YES1: variants seen among roughly 807,000 people sequenced by gnomAD.
The protein encoded by YES1 is YES proto-oncogene 1, Src family tyrosine kinase.
In YES1, 39 loss-of-function variants were observed where a neutral mutation model predicts 70.4. The observed-to-expected ratio is 0.55, with a 90% CI of 0.43 to 0.72. YES1 has a LOEUF of 0.72. YES1 is among the 30% of genes least tolerant of loss of function. YES1 has a pLI of 0.00. For missense variants in YES1, 495 were observed against 644.8 expected, an observed-to-expected ratio of 0.77 and a Z score of 2.52; for synonymous variants, 198 against 218.6, an observed-to-expected ratio of 0.91 and a Z score of 0.83.
chr18:731,023 G>A (rs1175057152), intron 11 of YES1, among the ~76,000 whole-genome samples: 3 of 152,272 alleles, frequency 2.0e-5, no homozygotes, highest in South Asian at 4.1e-4. Context: ...TTCATGAAGG[G>A]GGTGAGAAGC....
intron 1 of YES1, among the ~76,000 whole-genome samples, chr18:791,079 A>T (rs906127466): frequency 6.1e-5 from 8 of 131,888 alleles, no homozygotes; most frequent in Admixed American, 4.9e-4. Context: ...GTGAAACCCC[A>T]TCTCTATTAA....
rs1275377199 is a variant in YES1 at position 727,967 on chromosome 18, A to AT, written c.1424-3336dup. Among the ~76,000 whole-genome samples the AT allele has an allele frequency of 2.6e-5, 4 of 152,162 alleles. No individual in the cohort carries two copies. The East Asian group carries it at 7.7e-4, about 29-fold the overall frequency. Reference sequence around the variant, plus strand: ...GGACCAGAAGTGTTTCCGATTTTGGATTTTTTTGGATTTTGGAATATTTGC... The same window carrying AT: ...GGACCAGAAGTGTTTCCGATTTTGGATTTTTTTTGGATTTTGGAATATTTGC... On this transcript the variant is annotated intron_variant, in intron 11 of 11. Coordinates refer to ENST00000314574, the MANE Select transcript of YES1 (RefSeq NM_005433.4).
intron 1 of YES1, among the ~76,000 whole-genome samples, chr18:787,077 T>G (rs1905989876): frequency 1.8e-5 from 2 of 113,606 alleles, no homozygotes; most frequent in Non-Finnish European, 3.5e-5. Flanking sequence ...TGATACATAC[T>G]GTCTTTTTTT....
chr18:727,387 GTGTA>G (rs1398012377), intron 11 of YES1, among the ~76,000 whole-genome samples: 1 of 152,198 alleles, frequency 6.6e-6, no homozygotes, highest in African/African-American at 2.4e-5. Context: ...TATAGTATTT[GTGTA>G]TGTGTTTAAA....
intron 1 of YES1, among the ~76,000 whole-genome samples, chr18:786,532 C>CAT (rs1244275598): frequency 2.0e-5 from 3 of 151,340 alleles, no homozygotes; most frequent in Non-Finnish European, 2.9e-5. Flanking sequence ...CACACACACA[C>CAT]ACACAGAGTT....
At chr18:759,002 C>T (rs368803356) in intron 1 of YES1, among the ~76,000 whole-genome samples, 6 of 151,910 alleles carry the variant, frequency 3.9e-5, no homozygotes, top group South Asian at 2.1e-4. Flanking sequence ...GAGTGTTGGC[C>T]GCCTCATAAA....
At chr18:735,466 T>G (rs1483421583) in intron 10 of YES1, among the ~76,000 whole-genome samples, 3 of 145,248 alleles carry the variant, frequency 2.1e-5, no homozygotes, top group Non-Finnish European at 4.5e-5. Context: ...GGCATAAGAG[T>G]AATATAATGG....
chr18:775,399 C>G (rs1213204566), intron 1 of YES1: 2 of 152,304 alleles, frequency 1.3e-5, no homozygotes, highest in Non-Finnish European at 2.9e-5. Flanking sequence ...TGTCAGCACC[C>G]AAGAAGCCCA....
chr18:789,912 A>G (rs1021965907), intron 1 of YES1, among the ~76,000 whole-genome samples: 14 of 151,986 alleles, frequency 9.2e-5, no homozygotes, highest in Non-Finnish European at 1.6e-4. Context: ...ACAAAAAATT[A>G]GCTAGGCATG....
intron 9 of YES1, among the ~76,000 whole-genome samples, chr18:737,667 A>C (rs1286055974): frequency 1.3e-5 from 2 of 152,238 alleles, no homozygotes; most frequent in African/African-American, 4.8e-5. Flanking sequence ...TTGTAGGCCA[A>C]AAGTGGCCTG....
chr18:785,370 T>A (rs1294026526), intron 1 of YES1, among the ~76,000 whole-genome samples: 1 of 152,194 alleles, frequency 6.6e-6, no homozygotes, highest in East Asian at 1.9e-4. Context: ...AGAGATATCA[T>A]CTTCCCCTTT....
intron 11 of YES1, among the ~76,000 whole-genome samples, chr18:732,450 A>AC (rs1217613688): frequency 4.1e-5 from 6 of 146,644 alleles, no homozygotes; most frequent in East Asian, 2.0e-4. Flanking sequence ...AAAAAAAAAA[A>AC]AAAAAAACAA....
intron 1 of YES1, among the ~76,000 whole-genome samples, chr18:791,106 C>T (rs995042527): frequency 4.0e-5 from 6 of 151,234 alleles, no homozygotes; most frequent in South Asian, 2.1e-4. Context: ...AAAAATTAGC[C>T]GGGCGTGGTG....
intron 1 of YES1, among the ~76,000 whole-genome samples, chr18:801,719 C>CAG (rs527951347): frequency 6.6e-4 from 100 of 151,798 alleles, no homozygotes; most frequent in African/African-American, 2.2e-3. Flanking sequence ...TGTGTATATA[C>CAG]AGAGAGAGAG....
rs551356387 is a variant in YES1 at position 765,634 on chromosome 18, G to A, written c.-8-8799C>T. ...AGTCTGGTCTCGAACGCCTGACCTT[G>A]TGACCCACCCACCCTGGCCTCTCAA... On this transcript the variant is annotated intron_variant, in intron 1 of 11. Transcript: ENST00000314574. Among the ~76,000 whole-genome samples, 17 of 152,156 alleles carry A rather than the reference G, an allele frequency of 1.1e-4. 1 individual carries two copies. The highest frequency in any genetic ancestry group is 1.0e-3 in the South Asian group (5 of 4,826).
intron 1 of YES1, among the ~76,000 whole-genome samples, chr18:803,953 G>C (rs182286399): frequency 6.6e-6 from 1 of 152,150 alleles, no homozygotes; most frequent in Non-Finnish European, 1.5e-5. Flanking sequence ...TTACAGAAAA[G>C]ACTTCCTGGA....
intron 10 of YES1, among the ~76,000 whole-genome samples, chr18:734,885 T>A (rs1392010199): frequency 1.3e-5 from 2 of 152,046 alleles, no homozygotes; most frequent in African/African-American, 4.8e-5. Flanking sequence ...CAGCCAGGTG[T>A]GGTGGCTCAC....
At chr18:737,048 CA>C in intron 9 of YES1, 87 bp from the exon 10 acceptor site, 3 of 1,102,110 alleles carry the variant, frequency 2.7e-6, no homozygotes, top group Non-Finnish European at 3.8e-6. Context: ...CAAATTGTGT[CA>C]CTGAAAATCA....
At chr18:736,771 C>G (rs770207233) in intron 10 of YES1, 37 bp downstream of exon 10, 2 of 1,597,066 alleles carry the variant, frequency 1.3e-6, no homozygotes, top group African/African-American at 2.7e-5. Flanking sequence ...GCAAAACACA[C>G]AACACATTAC....
Sources: gnomAD v4.1 joint callset for allele counts (sites outside exome capture counted in the v4.1 genomes callset) on GRCh38, gnomAD v4.1.1 for gene constraint, MANE v1.5 for transcripts, NCBI Gene and HGNC (gene_info 2026-07-23, HGNC 2026-07-21) for gene names.